Variants in LMTK2 observed in about 807,000 individuals in gnomAD.
The protein encoded by LMTK2 is serine/threonine-protein kinase LMTK2.
LMTK2 carries 37 observed loss-of-function variants against 127.5 expected under a neutral mutation model. The ratio of observed to expected loss-of-function variants is 0.29; its 90% CI spans 0.22 to 0.38. The LOEUF (loss-of-function observed/expected upper bound fraction) is 0.38. LMTK2 is among the 10% of genes least tolerant of loss of function. LMTK2 has a pLI of 1.00. For missense variants in LMTK2, 1,694 were observed against 1,920.3 expected, an observed-to-expected ratio of 0.88 and a Z score of 2.20; for synonymous variants, 819 against 810.1, an observed-to-expected ratio of 1.01 and a Z score of -0.19.
chr7:98,122,710 GTGTGTGTGTGTGTGTGTATATA>G (rs1412023974), intron 1 of LMTK2, among the ~76,000 whole-genome samples: 284 of 3,624 alleles, frequency 0.078, 4 homozygotes, highest in East Asian at 0.36. Flanking sequence ...GTGTGTGTGT[GTGTGTGTGTGTGTGTGTATATA>G]TATAACTGGA....
At chr7:98,117,244 C>T (rs1411643666) in intron 1 of LMTK2, among the ~76,000 whole-genome samples, 1 of 152,182 alleles carries the variant, frequency 6.6e-6, no homozygotes, top group Non-Finnish European at 1.5e-5. Context: ...CTCTTCTTTT[C>T]TTTTTTTCTT....
intron 11 of LMTK2, among the ~76,000 whole-genome samples, chr7:98,198,521 C>T (rs11531574): frequency 0.056 from 8,567 of 152,196 alleles, 594 homozygotes; most frequent in East Asian, 0.33. Flanking sequence ...GGGTCTCGCT[C>T]TGTCGCCCAG....
intron 11 of LMTK2, among the ~76,000 whole-genome samples, chr7:98,199,695 A>G (rs535087263): frequency 2.6e-5 from 4 of 152,290 alleles, no homozygotes; most frequent in African/African-American, 7.2e-5. Context: ...GGGTTTCACC[A>G]TGTTGGCCAG....
intron 12 of LMTK2, 118 bp downstream of exon 12, chr7:98,203,824 G>A (rs1478923742): frequency 3.8e-6 from 6 of 1,569,384 alleles, no homozygotes; most frequent in Non-Finnish European, 5.2e-6. Flanking sequence ...GCACAGAACT[G>A]CCATCTGCCA....
At chr7:98,144,419 C>T (rs906062854) in intron 3 of LMTK2, among the ~76,000 whole-genome samples, 15 of 148,456 alleles carry the variant, frequency 1.0e-4, no homozygotes, top group Non-Finnish European at 1.9e-4. Flanking sequence ...GGGGACAAAG[C>T]GAGACTCTGT....
chr7:98,145,430 CTTA>C (rs566094408), intron 3 of LMTK2, among the ~76,000 whole-genome samples: 1 of 152,000 alleles, frequency 6.6e-6, no homozygotes, highest in Non-Finnish European at 1.5e-5. Flanking sequence ...GAAATTCTTT[CTTA>C]TTCTGTGATT....
chr7:98,125,172 G>A (rs1329304553), intron 1 of LMTK2, among the ~76,000 whole-genome samples: 3 of 152,000 alleles, frequency 2.0e-5, no homozygotes, highest in Non-Finnish European at 4.4e-5. Context: ...GTGTGGTGGC[G>A]GGCGCCTGTA....
chr7:98,183,199 T>G (rs902147870), intron 7 of LMTK2, among the ~76,000 whole-genome samples: 16 of 152,246 alleles, frequency 1.1e-4, no homozygotes, highest in Non-Finnish European at 1.8e-4. Flanking sequence ...TGCCTTTCCC[T>G]TTCTAGGTCT....
intron 2 of LMTK2, among the ~76,000 whole-genome samples, chr7:98,140,107 T>G (rs145810005): frequency 0.11 from 471 of 4,398 alleles, 35 homozygotes; most frequent in South Asian, 0.18. Context: ...TCTTTCTTTC[T>G]TTCTTTCTTT....
chr7:98,205,571 C>T lies in LMTK2; in HGVS notation c.*79C>T, dbSNP rs1003017474. The T allele has an allele frequency of 2.0e-5, 28 of 1,427,052 alleles. No homozygotes were observed. Among genetic ancestry groups the T allele is most frequent in the African/African-American group, 5.6e-5 (4 of 71,038 alleles). The allele number at this position is 1,427,052 out of a possible 1,614,324, so 88.4% of individuals were successfully genotyped here. A position where few individuals can be genotyped will look rare whatever the true frequency, so the allele number is the denominator to read the frequency against. ...CCTGCGCCCTCAGCCCGAGCAGCGA[C>T]ATCCACTCGCCATTTGCTGACATGA... On this transcript the variant is annotated 3_prime_UTR_variant, in exon 14 of 14. Transcript: ENST00000297293.
At chr7:98,168,739 A>ACCAGGG (rs1349902686) in intron 6 of LMTK2, among the ~76,000 whole-genome samples, 1 of 152,114 alleles carries the variant, frequency 6.6e-6, no homozygotes, top group East Asian at 1.9e-4. Context: ...GACTCATTCT[A>ACCAGGG]CCAGGGCGTT....
At chr7:98,183,169 A>G (rs943986084) in intron 7 of LMTK2, among the ~76,000 whole-genome samples, 6 of 152,248 alleles carry the variant, frequency 3.9e-5, no homozygotes, top group Admixed American at 6.5e-5. Flanking sequence ...TAGAGGCAAA[A>G]TCTTACATTC....
At chr7:98,143,444 A>C (rs1297733323) in intron 3 of LMTK2, among the ~76,000 whole-genome samples, 3 of 152,268 alleles carry the variant, frequency 2.0e-5, no homozygotes, top group Non-Finnish European at 4.4e-5. Context: ...AAACGGTTAC[A>C]TATCAAGAGT....
At chr7:98,123,751 A>G (rs1796401533) in intron 1 of LMTK2, among the ~76,000 whole-genome samples, 2 of 152,118 alleles carry the variant, frequency 1.3e-5, no homozygotes, top group South Asian at 4.2e-4. Flanking sequence ...ATGTGTATAT[A>G]TGCACACACT....
rs146336437 is a variant in LMTK2, at chr7:98,148,580, A to G, written c.377-2802A>G. On this transcript the variant is annotated intron_variant, in intron 3 of 13. Transcript: ENST00000297293. ...TAATTAGTCCAATGTCTGTTTTCTC[A>G]GTGACAGTTTCCGTTTGTTCATTTT... Among the ~76,000 whole-genome samples, 64 of 152,128 alleles carry G rather than the reference A, an allele frequency of 4.2e-4. 1 individual carries two copies. In the East Asian group the frequency reaches 0.012, roughly 27 times the overall value.
At chr7:98,188,121 G>C (rs898245354) in intron 9 of LMTK2, among the ~76,000 whole-genome samples, 10 of 152,138 alleles carry the variant, frequency 6.6e-5, no homozygotes, top group Non-Finnish European at 1.3e-4. Flanking sequence ...CCGAAATTTT[G>C]TATTCGTTAG....
chr7:98,165,936 G>T (rs781703017), intron 6 of LMTK2, among the ~76,000 whole-genome samples: 1 of 152,072 alleles, frequency 6.6e-6, no homozygotes, highest in South Asian at 2.1e-4. Context: ...CTGGACAACC[G>T]CATGGGTTGA....
At chr7:98,130,720 C>T (rs187166379) in intron 1 of LMTK2, among the ~76,000 whole-genome samples, 1 of 152,320 alleles carries the variant, frequency 6.6e-6, no homozygotes, top group Admixed American at 6.5e-5. Flanking sequence ...AGGCAGCCAG[C>T]TGCCAGAAGC....
At chr7:98,146,261 A>G (rs564841429) in intron 3 of LMTK2, among the ~76,000 whole-genome samples, 11 of 152,288 alleles carry the variant, frequency 7.2e-5, no homozygotes, top group African/African-American at 2.2e-4. Context: ...ATCAAGATAT[A>G]TGAGTCTTCT....
Sources: gnomAD v4.1 joint callset for allele counts (sites outside exome capture counted in the v4.1 genomes callset) on GRCh38, gnomAD v4.1.1 for gene constraint, MANE v1.5 for transcripts, NCBI Gene and HGNC (gene_info 2026-07-23, HGNC 2026-07-21) for gene names.